The following ESRRG variants were observed in gnomAD, a reference collection of about 807,000 sequenced individuals.
ESRRG encodes the protein estrogen-related receptor gamma.
A neutral mutation model predicts 44.0 loss-of-function variants in ESRRG; 13 were observed. The ratio of observed to expected loss-of-function variants is 0.30; its 90% confidence interval spans 0.19 to 0.47. The LOEUF (loss-of-function observed/expected upper bound fraction) is 0.47. Among genes scored for constraint, ESRRG ranks in the 20% least tolerant of loss-of-function variants. The pLI is 1.00. For synonymous variants in ESRRG, 215 were observed against 214.6 expected (o/e 1.00, Z -0.02); for missense variants, 395 against 580.6 (o/e 0.68, Z 3.29).
intron 3 of ESRRG, among the ~76,000 whole-genome samples, chr1:216,640,571 A>C (rs2066205764): frequency 6.6e-6 from 1 of 152,090 alleles, no homozygotes; most frequent in Non-Finnish European, 1.5e-5. Context: ...ACCAGTGCTC[A>C]GTGTCAGTTA....
chr1:216,634,225 T>G (rs1229440134), intron 3 of ESRRG, among the ~76,000 whole-genome samples: 1 of 152,208 alleles, frequency 6.6e-6, no homozygotes, highest in Non-Finnish European at 1.5e-5. Context: ...CTTGGATGAA[T>G]GTGATTTTAC....
chr1:216,620,242 T>TA (rs983294693), intron 3 of ESRRG, among the ~76,000 whole-genome samples: 79 of 152,270 alleles, frequency 5.2e-4, no homozygotes, highest in African/African-American at 1.8e-3. Context: ...CAAAATGGGT[T>TA]AAAAATCGTA....
chr1:216,627,535 A>G (rs552734833), intron 3 of ESRRG, among the ~76,000 whole-genome samples: 8 of 152,316 alleles, frequency 5.3e-5, no homozygotes, highest in African/African-American at 1.9e-4. Context: ...CAGGGTCAAG[A>G]TATAAACATT....
At chr1:216,585,631 G>C (rs2063615007) in intron 3 of ESRRG, among the ~76,000 whole-genome samples, 1 of 152,050 alleles carries the variant, frequency 6.6e-6, no homozygotes, top group Non-Finnish European at 1.5e-5. Context: ...TTGTGAATAA[G>C]TTTAAAAAAT....
chr1:216,530,109 C>CAAAAAAAA (rs34108833), intron 5 of ESRRG, among the ~76,000 whole-genome samples: 4 of 62,784 alleles, frequency 6.4e-5, no homozygotes, highest in African/African-American at 1.9e-4. Context: ...GAGACTCCAT[C>CAAAAAAAA]AAAAAAAAAA....
In ESRRG at chr1:217,088,398, C is replaced by CTTTT. The variant is rs71585811; in HGVS notation, c.-106+1105_-106+1108dup. On this transcript the variant is annotated intron_variant, in intron 1 of 7. Coordinates refer to the ESRRG transcript ENST00000359162. The stretch of plus-strand genomic sequence containing the variant: ...TGCTGAGAATTTCTTTTTTTCCTGT[C>CTTTT]TTTTTTTTTTTTTTTTTTTTTTTTT... 1.8e-3 allele frequency among the ~76,000 whole-genome samples: 106 copies of CTTTT among 59,728 alleles called. 10 individuals carry two copies. Among genetic ancestry groups the CTTTT allele is most frequent in the African/African-American group, 5.1e-3 (70 of 13,782 alleles). 39.2% of individuals were successfully genotyped at this position (59,728 alleles called of 152,430 possible). A position where few individuals can be genotyped will look rare whatever the true frequency, so the allele number is the denominator to read the frequency against.
chr1:217,014,652 A>C lies in ESRRG; in HGVS notation c.-106+74855T>G, dbSNP rs1483672977. The stretch of plus-strand genomic sequence containing the variant: ...GTGTGACCATGGACTTGGGCGACCT[A>C]TAAGCTCCATCCTGGTGCTTTATTT... On this transcript the variant is annotated intron_variant, in intron 1 of 7. Transcript: ENST00000359162. Among the ~76,000 whole-genome samples the C allele has an allele frequency of 2.6e-5, 4 of 152,176 alleles. No individual in the cohort carries two copies. In the East Asian group the frequency reaches 7.7e-4, roughly 29 times the overall value.
chr1:216,665,617 A>G (rs575703663), intron 2 of ESRRG, among the ~76,000 whole-genome samples: 3 of 152,300 alleles, frequency 2.0e-5, no homozygotes, highest in African/African-American at 7.2e-5. Flanking sequence ...CTCGTGAGCT[A>G]TTGCACAACC....
intron 2 of ESRRG, among the ~76,000 whole-genome samples, chr1:216,879,880 C>T (rs2096415524): frequency 6.6e-6 from 1 of 152,032 alleles, no homozygotes; most frequent in Non-Finnish European, 1.5e-5. Flanking sequence ...CCAATGAAAT[C>T]AATAATACAT....
At chr1:216,562,655 T>C (rs1194035893) in intron 5 of ESRRG, among the ~76,000 whole-genome samples, 1 of 152,006 alleles carries the variant, frequency 6.6e-6, no homozygotes, top group African/African-American at 2.4e-5. Context: ...ATGACAATTA[T>C]CTCGTCCCAA....
chr1:216,855,308 C>T (rs1195420182), intron 2 of ESRRG, among the ~76,000 whole-genome samples: 2 of 152,118 alleles, frequency 1.3e-5, no homozygotes, highest in Non-Finnish European at 2.9e-5. Context: ...CAGTAGCTCT[C>T]GCTTTAGTTT....
At chr1:217,064,045 T>A in intron 1 of ESRRG, among the ~76,000 whole-genome samples, 1 of 147,756 alleles carries the variant, frequency 6.8e-6, no homozygotes, top group East Asian at 1.9e-4. Flanking sequence ...AATAAATAGA[T>A]ATATACACAC....
At chr1:216,963,294 G>A (rs891006922) in intron 1 of ESRRG, among the ~76,000 whole-genome samples, 6 of 152,154 alleles carry the variant, frequency 3.9e-5, no homozygotes, top group Admixed American at 6.6e-5. Context: ...CTAGGGAAGC[G>A]ACAGAGTTGG....
chr1:216,779,927 A>T (rs1322895685), intron 2 of ESRRG, among the ~76,000 whole-genome samples: 2 of 151,870 alleles, frequency 1.3e-5, no homozygotes, highest in East Asian at 1.9e-4. Flanking sequence ...ATCAAACAAG[A>T]TGCCATGTAT....
At chr1:216,879,484 CAAAA>C (rs755104959) in intron 2 of ESRRG, among the ~76,000 whole-genome samples, 13 of 89,432 alleles carry the variant, frequency 1.5e-4, no homozygotes, top group South Asian at 4.4e-4. Flanking sequence ...AAAAGGCCAC[CAAAA>C]AAAAAAAAAA....
chr1:217,077,099 C>T (rs996294187), intron 1 of ESRRG, among the ~76,000 whole-genome samples: 20 of 152,208 alleles, frequency 1.3e-4, no homozygotes, highest in African/African-American at 7.2e-5. Flanking sequence ...GTTGCCTCTG[C>T]TCTCCTGGCT....
At chr1:216,561,309 T>C (rs1319688228) in intron 5 of ESRRG, among the ~76,000 whole-genome samples, 1 of 152,156 alleles carries the variant, frequency 6.6e-6, no homozygotes, top group African/African-American at 2.4e-5. Flanking sequence ...GGTGTAATTA[T>C]ACAAACCGAG....
At chr1:216,924,026 G>A (rs754882311) in intron 2 of ESRRG, among the ~76,000 whole-genome samples, 1 of 152,174 alleles carries the variant, frequency 6.6e-6, no homozygotes, top group Non-Finnish European at 1.5e-5. Context: ...AAATGAGGGA[G>A]CCCAGAATTA....
At chr1:216,952,991 A>T (rs1239210415) in intron 1 of ESRRG, among the ~76,000 whole-genome samples, 1 of 152,176 alleles carries the variant, frequency 6.6e-6, no homozygotes, top group Non-Finnish European at 1.5e-5. Context: ...TACAATCTGC[A>T]TATGTATATG....
Sources: gnomAD v4.1 joint callset for allele counts (sites outside exome capture counted in the v4.1 genomes callset) on GRCh38, gnomAD v4.1.1 for gene constraint, MANE v1.5 for transcripts, NCBI Gene and HGNC (gene_info 2026-07-23, HGNC 2026-07-21) for gene names.